The following VPS13B variants were observed in gnomAD, a reference collection of about 807,000 sequenced individuals.
VPS13B encodes the protein vacuolar protein sorting 13 homolog B.
A neutral mutation model predicts 426.4 loss-of-function variants in VPS13B; 285 were observed. The ratio of observed to expected loss-of-function variants is 0.67; its 90% CI spans 0.61 to 0.74. VPS13B has a LOEUF of 0.74. Ranked by LOEUF, VPS13B falls within the 30% of genes least tolerant of loss-of-function variation. The pLI is 0.00. For missense variants in VPS13B, 4,537 were observed against 4,782.6 expected, an observed-to-expected ratio of 0.95 and a Z score of 1.51; for synonymous variants, 1,676 against 1,676.4, an observed-to-expected ratio of 1.00 and a Z score of 0.01.
intron 54 of VPS13B, among the ~76,000 whole-genome samples, 160 bp from the exon 55 acceptor site, chr8:99,848,616 T>C (rs980011127): frequency 2.0e-5 from 3 of 152,204 alleles, no homozygotes; most frequent in Admixed American, 1.3e-4. Context: ...GTATTTTTTT[T>C]CATTTCAAGT....
intron 19 of VPS13B, among the ~76,000 whole-genome samples, chr8:99,337,564 A>T (rs1810986856): frequency 6.6e-6 from 1 of 151,656 alleles, no homozygotes; most frequent in Admixed American, 6.6e-5. Context: ...TCTTTTGCCC[A>T]TTTTATGTTA....
intron 3 of VPS13B, among the ~76,000 whole-genome samples, chr8:99,046,667 T>C (rs1843255547): frequency 6.6e-6 from 1 of 152,172 alleles, no homozygotes; most frequent in Admixed American, 6.5e-5. Flanking sequence ...TAGTATTACG[T>C]TGGCTGTGGG....
chr8:99,183,977 C>T (rs1355751347), intron 16 of VPS13B, among the ~76,000 whole-genome samples: 1 of 152,182 alleles, frequency 6.6e-6, no homozygotes, highest in African/African-American at 2.4e-5. Context: ...TATCTCTAGA[C>T]ATGTTCTGTC....
chr8:99,595,087 A>G (rs974311831), intron 33 of VPS13B, among the ~76,000 whole-genome samples: 4 of 151,992 alleles, frequency 2.6e-5, no homozygotes, highest in Non-Finnish European at 5.9e-5. Flanking sequence ...CTGTATGGTT[A>G]GTGACCCATA....
intron 39 of VPS13B, among the ~76,000 whole-genome samples, chr8:99,735,571 C>G (rs1348251040): frequency 1.3e-5 from 2 of 152,138 alleles, no homozygotes; most frequent in Non-Finnish European, 2.9e-5. Context: ...TTCTCTATTG[C>G]CTTCAGAGGG....
intron 19 of VPS13B, among the ~76,000 whole-genome samples, chr8:99,380,869 T>A (rs1813756097): frequency 6.6e-6 from 1 of 151,530 alleles, no homozygotes; most frequent in Admixed American, 6.6e-5. Flanking sequence ...GCAGATACTT[T>A]TTCTTTCTTT....
chr8:99,401,571 A>G (rs781373920), intron 21 of VPS13B, among the ~76,000 whole-genome samples: 4 of 152,106 alleles, frequency 2.6e-5, no homozygotes, highest in African/African-American at 7.2e-5. Flanking sequence ...TGTATTAAAT[A>G]TTAATAAACT....
chr8:99,160,378 G>C (rs906101052), intron 15 of VPS13B, among the ~76,000 whole-genome samples: 1 of 152,172 alleles, frequency 6.6e-6, no homozygotes, highest in Non-Finnish European at 1.5e-5. Flanking sequence ...ATCAGTACTG[G>C]CTGGGTATCG....
In VPS13B at chr8:99,832,418, A is replaced by G. The variant is rs1245549837; in HGVS notation, c.9380A>G (p.Glu3127Gly). 2 of 1,505,188 alleles carry G rather than the reference A, an allele frequency of 1.3e-6. No homozygotes were observed. Among genetic ancestry groups the G allele is most frequent in the East Asian group, 2.6e-5 (1 of 37,860 alleles). 93.2% of individuals were successfully genotyped at this position (1,505,188 alleles called of 1,614,324 possible). A position where few individuals can be genotyped will look rare whatever the true frequency, so the allele number is the denominator to read the frequency against. The change falls in exon 52 of 62, where the codon GAG becomes GGG. Residue 3127 changes from glutamate (E) to glycine (G), a missense_variant. Around this residue, in one of 2 missense-constraint regions of VPS13B, gnomAD observed 4,311 missense variants for 4,474.3 expected, o/e 0.96. Transcript: ENST00000357162. ...SATFSICPGGEQPAMKSSSLP... is the reference protein window; with the variant it reads ...SATFSICPGGGQPAMKSSSLP... ...ACTTTTAGCATTTGCCCAGGTGGAG[A>G]GCAGCCTGCTATGAAATCCAGCTCC...
At chr8:99,193,499 A>C (rs1439134329) in intron 17 of VPS13B, among the ~76,000 whole-genome samples, 1 of 152,098 alleles carries the variant, frequency 6.6e-6, no homozygotes, top group Non-Finnish European at 1.5e-5. Flanking sequence ...TAAGGAGTTA[A>C]TTAACTACTA....
intron 3 of VPS13B, among the ~76,000 whole-genome samples, chr8:99,087,615 GT>G (rs796919366): frequency 2.0e-3 from 264 of 129,090 alleles, no homozygotes; most frequent in East Asian, 2.2e-3. Flanking sequence ...CTGTTTTTTT[GT>G]TTTTTTTTTT....
Position 99,521,007 on chromosome 8 carries a change from A to G in VPS13B, c.4742A>G (p.Tyr1581Cys). The change falls in exon 30 of 62, where the codon TAC becomes TGC. Residue 1581 changes from tyrosine (Y) to cysteine (C), a missense_variant. By Grantham distance (194) the Tyr-to-Cys change is radical (BLOSUM62 -2). Around this residue, in one of 2 missense-constraint regions of VPS13B, gnomAD observed 4,311 missense variants for 4,474.3 expected, o/e 0.96. Transcript: ENST00000357162. Reference protein sequence around the residue: ...LGRSVLRKDIYQRALNLGILR... With the variant: ...LGRSVLRKDICQRALNLGILR... ...AGATCTGTCCTTAGGAAAGATATTT[A>G]CCAGTAAGTTTATTTTCTTATGTCC... is the stretch of plus-strand genomic sequence containing the variant. 1 of 1,612,988 alleles carries G rather than the reference A, an allele frequency of 6.2e-7. No individual in the cohort carries two copies. Among genetic ancestry groups the G allele is most frequent in the Non-Finnish European group, 8.5e-7 (1 of 1,179,098 alleles).
At chr8:99,169,345 T>C (rs1294190863) in intron 15 of VPS13B, among the ~76,000 whole-genome samples, 3 of 152,156 alleles carry the variant, frequency 2.0e-5, no homozygotes, top group South Asian at 2.1e-4. Flanking sequence ...CGTGATGTTA[T>C]GTTGTTTCTT....
At chr8:99,770,754 G>A (rs1246477010) in intron 40 of VPS13B, among the ~76,000 whole-genome samples, 1 of 152,128 alleles carries the variant, frequency 6.6e-6, no homozygotes, top group South Asian at 2.1e-4. Flanking sequence ...TGAATCCGAG[G>A]ACAAGCCAGA....
intron 29 of VPS13B, among the ~76,000 whole-genome samples, 164 bp downstream of exon 29, chr8:99,511,676 G>C (rs1032275569): frequency 6.6e-6 from 1 of 152,186 alleles, no homozygotes; most frequent in East Asian, 1.9e-4. Flanking sequence ...CAAATCATTA[G>C]GAAATACATC....
intron 19 of VPS13B, among the ~76,000 whole-genome samples, chr8:99,361,637 G>T (rs1812563010): frequency 1.3e-5 from 2 of 152,116 alleles, no homozygotes. Context: ...TTGCGCACAG[G>T]ACACACTGAG....
At chr8:99,545,198 A>G (rs770654555) in intron 30 of VPS13B, among the ~76,000 whole-genome samples, 1 of 152,174 alleles carries the variant, frequency 6.6e-6, no homozygotes, top group Non-Finnish European at 1.5e-5. Context: ...TGAATATGCC[A>G]AGTTATTATG....
rs546240632 is a variant in VPS13B at position 99,410,533 on chromosome 8, G to GAATT, written c.3082+18831_3082+18834dup. 4.9e-3 allele frequency among the ~76,000 whole-genome samples: 720 copies of GAATT among 146,262 alleles called. 6 individuals are homozygous for GAATT. Among genetic ancestry groups the GAATT allele is most frequent in the Non-Finnish European group, 7.7e-3 (511 of 66,274 alleles). ...TTAATTCAATCTTGCTGTGTTACCAGAATTATTTATTTATTTATTTATTTA... is the reference window on the plus strand; with the variant it reads ...TTAATTCAATCTTGCTGTGTTACCAGAATTAATTATTTATTTATTTATTTATTTA... On this transcript the variant is annotated intron_variant, in intron 21 of 61. Transcript: ENST00000357162.
intron 17 of VPS13B, among the ~76,000 whole-genome samples, chr8:99,234,639 A>G (rs1816542191): frequency 6.6e-6 from 1 of 152,222 alleles, no homozygotes; most frequent in Non-Finnish European, 1.5e-5. Flanking sequence ...TAACTTTATG[A>G]AAGTCTAATT....
Sources: allele counts gnomAD v4.1 joint callset (sites outside exome capture counted in the v4.1 genomes callset), GRCh38; gene constraint gnomAD v4.1.1; regional missense constraint gnomAD v4.1.1; transcripts MANE v1.5; gene names NCBI Gene and HGNC (gene_info 2026-07-23, HGNC 2026-07-21).